Variants in IMMP2L observed in about 807,000 individuals in gnomAD.
IMMP2L encodes the protein inner mitochondrial membrane peptidase subunit 2, also known as mitochondrial inner membrane protease subunit 2.
IMMP2L carries 18 observed loss-of-function variants against 19.3 expected under a neutral mutation model. The ratio of observed to expected loss-of-function variants is 0.93; its 90% CI spans 0.64 to 1.38. The LOEUF is 1.38. Ranked by LOEUF, IMMP2L falls within the 40% of genes most tolerant of loss-of-function variation. The pLI is 0.00. For missense variants in IMMP2L, 233 were observed against 218.2 expected (o/e 1.07, Z -0.43); for synonymous variants, 76 against 73.0 (o/e 1.04, Z -0.21).
intron 5 of IMMP2L, among the ~76,000 whole-genome samples, chr7:110,773,155 T>C (rs1320819518): frequency 1.3e-5 from 2 of 152,034 alleles, no homozygotes; most frequent in Admixed American, 6.6e-5. Context: ...GCAGAAAAAG[T>C]GGTATTATTA....
chr7:110,888,946 C>T (rs755111148), intron 4 of IMMP2L, among the ~76,000 whole-genome samples: 21 of 152,098 alleles, frequency 1.4e-4, no homozygotes, highest in Non-Finnish European at 2.6e-4. Flanking sequence ...GAATGAATAT[C>T]TGAAGAATAA....
At chr7:110,805,676 G>A (rs921976160) in intron 5 of IMMP2L, among the ~76,000 whole-genome samples, 1 of 151,888 alleles carries the variant, frequency 6.6e-6, no homozygotes, top group Non-Finnish European at 1.5e-5. Context: ...GGCCTATTAA[G>A]AAAAATGTAA....
intron 4 of IMMP2L, among the ~76,000 whole-genome samples, chr7:110,919,030 C>T (rs1487125747): frequency 6.6e-6 from 1 of 152,002 alleles, no homozygotes; most frequent in African/African-American, 2.4e-5. Context: ...CTAGGTCAAA[C>T]TTAATAACCT....
chr7:110,993,339 G>A (rs557824133), intron 3 of IMMP2L, among the ~76,000 whole-genome samples: 8 of 152,084 alleles, frequency 5.3e-5, no homozygotes, highest in Non-Finnish European at 8.8e-5. Flanking sequence ...CTCTAAACAG[G>A]TCTCACAGAA....
At chr7:111,217,620 G>A (rs1812095382) in intron 3 of IMMP2L, among the ~76,000 whole-genome samples, 1 of 152,082 alleles carries the variant, frequency 6.6e-6, no homozygotes, top group East Asian at 1.9e-4. Context: ...AAAGAGAATT[G>A]TGACAGAATT....
intron 3 of IMMP2L, among the ~76,000 whole-genome samples, chr7:111,318,115 T>C (rs1041930564): frequency 6.6e-6 from 1 of 152,148 alleles, no homozygotes; most frequent in African/African-American, 2.4e-5. Context: ...AAAACTACAC[T>C]AGCTTATGAT....
At chr7:110,831,899 G>A (rs968644631) in intron 5 of IMMP2L, among the ~76,000 whole-genome samples, 4 of 152,170 alleles carry the variant, frequency 2.6e-5, no homozygotes, top group Non-Finnish European at 4.4e-5. Flanking sequence ...TTCGGTGAAA[G>A]TCCCTAATTG....
intron 5 of IMMP2L, among the ~76,000 whole-genome samples, chr7:110,691,596 C>T (rs186439875): frequency 6.6e-6 from 1 of 152,046 alleles, no homozygotes; most frequent in East Asian, 1.9e-4. Flanking sequence ...CTACAAGAAA[C>T]TCAAACAAAT....
chr7:111,145,891 C>A (rs1196580735), intron 3 of IMMP2L, among the ~76,000 whole-genome samples: 1 of 152,046 alleles, frequency 6.6e-6, no homozygotes, highest in Non-Finnish European at 1.5e-5. Flanking sequence ...AAGGCAAATG[C>A]TAAAAGTCAG....
At chr7:111,497,435 T>C (rs982913121) in intron 2 of IMMP2L, among the ~76,000 whole-genome samples, 1 of 152,178 alleles carries the variant, frequency 6.6e-6, no homozygotes, top group Non-Finnish European at 1.5e-5. Context: ...AGGAAACTGA[T>C]TAAACCTTGG....
chr7:111,150,760 T>A (rs760620382), intron 3 of IMMP2L, among the ~76,000 whole-genome samples: 5 of 152,246 alleles, frequency 3.3e-5, no homozygotes, highest in Non-Finnish European at 5.9e-5. Context: ...GCAAGCCTTA[T>A]TGGCTATTCT....
intron 3 of IMMP2L, among the ~76,000 whole-genome samples, chr7:111,169,421 G>A (rs1490072748): frequency 6.6e-6 from 1 of 151,798 alleles, no homozygotes; most frequent in Non-Finnish European, 1.5e-5. Context: ...CTCACATTTG[G>A]TTTTTGAGCA....
At chr7:111,042,210 C>T (rs1285196319) in intron 3 of IMMP2L, among the ~76,000 whole-genome samples, 2 of 152,050 alleles carry the variant, frequency 1.3e-5, no homozygotes, top group Admixed American at 6.6e-5. Flanking sequence ...GACTGAGTCT[C>T]GCTCCATGGT....
intron 5 of IMMP2L, among the ~76,000 whole-genome samples, chr7:110,777,339 T>C (rs1401275517): frequency 6.6e-6 from 1 of 151,958 alleles, no homozygotes; most frequent in East Asian, 1.9e-4. Context: ...ACGAGCCATG[T>C]TTCCATGGGG....
intron 3 of IMMP2L, among the ~76,000 whole-genome samples, chr7:111,074,726 T>G (rs561219290): frequency 1.3e-5 from 2 of 152,350 alleles, no homozygotes; most frequent in East Asian, 3.9e-4. Flanking sequence ...AATGCCTTTT[T>G]AACTTCCACA....
intron 3 of IMMP2L, among the ~76,000 whole-genome samples, chr7:111,142,336 AAAAAAAAGAAAGAAAGAAAGAAAG>A (rs1465991636): frequency 7.5e-6 from 1 of 132,674 alleles, no homozygotes; most frequent in East Asian, 2.1e-4. Flanking sequence ...AAAAAAAAAA[AAAAAAAAGAAAGAAAGAAAGAAAG>A]AAAGAAAGAA....
intron 3 of IMMP2L, among the ~76,000 whole-genome samples, chr7:110,989,513 G>T (rs927715269): frequency 8.0e-6 from 1 of 124,580 alleles, no homozygotes; most frequent in African/African-American, 3.0e-5. Flanking sequence ...CTGGGCAACA[G>T]AAGAAGACTC....
intron 3 of IMMP2L, among the ~76,000 whole-genome samples, chr7:111,130,953 A>G (rs551966448): frequency 2.6e-5 from 4 of 152,158 alleles, no homozygotes; most frequent in Admixed American, 1.3e-4. Flanking sequence ...CTAGTAAATT[A>G]ATCAATGAAA....
chr7:110,914,020 C>A (rs1585243991), intron 4 of IMMP2L, among the ~76,000 whole-genome samples: 1 of 152,052 alleles, frequency 6.6e-6, no homozygotes, highest in African/African-American at 2.4e-5. Flanking sequence ...ATTGTTTTGG[C>A]CCTCCAGAAA....
Sources: allele counts gnomAD v4.1 joint callset (sites outside exome capture counted in the v4.1 genomes callset), GRCh38; gene constraint gnomAD v4.1.1; transcripts MANE v1.5; gene names NCBI Gene and HGNC (gene_info 2026-07-23, HGNC 2026-07-21).